The following GTF2E2 variants were observed in gnomAD, a reference collection of about 807,000 sequenced individuals.
GTF2E2 encodes general transcription factor IIE subunit 2, also known as transcription initiation factor IIE subunit beta.
GTF2E2 carries 21 observed loss-of-function variants against 40.5 expected under a neutral mutation model. That is an observed-to-expected ratio of 0.52 (90% CI 0.37 to 0.75). GTF2E2 has a LOEUF of 0.75. Ranked by LOEUF, GTF2E2 falls within the 30% of genes least tolerant of loss-of-function variation. GTF2E2 has a pLI of 0.00. For missense variants in GTF2E2, 298 were observed against 338.4 expected, an observed-to-expected ratio of 0.88 and a Z score of 0.94; for synonymous variants, 117 against 121.6, an observed-to-expected ratio of 0.96 and a Z score of 0.25.
intron 2 of GTF2E2, among the ~76,000 whole-genome samples, chr8:30,647,200 A>G (rs974755919): frequency 5.3e-5 from 8 of 152,242 alleles, no homozygotes; most frequent in African/African-American, 1.9e-4. Flanking sequence ...ATTATAAAAG[A>G]CTTTTTTTAA....
chr8:30,624,349 C>T (rs1320730102), intron 3 of GTF2E2, among the ~76,000 whole-genome samples: 1 of 152,042 alleles, frequency 6.6e-6, no homozygotes. Flanking sequence ...TCCGAGGGCT[C>T]TGTTCTGTTC....
At position 30,653,592 on chromosome 8, in the gene GTF2E2, G is replaced by A. The variant is rs752353931; in HGVS notation, c.7C>T (p.Pro3Ser). Reference protein sequence around the residue: MDPSLLRERELFK... With the variant: MDSSLLRERELFK... Reference sequence around the variant, plus strand: ...AGCTCCCTTTCTCTCAACAGGCTTGGATCCATAATGCTACAAAGAAAAAAT... The same window carrying A: ...AGCTCCCTTTCTCTCAACAGGCTTGAATCCATAATGCTACAAAGAAAAAAT... The change falls in exon 2 of 8, where the codon CCA becomes TCA. Residue 3 changes from proline to serine, a missense_variant. Transcript: ENST00000355904. 1 of 1,609,020 alleles carries A rather than the reference G, an allele frequency of 6.2e-7. No individual in the cohort carries two copies. Among genetic ancestry groups the A allele is most frequent in the South Asian group, 1.1e-5 (1 of 90,052 alleles).
chr8:30,624,018 A>C lies in GTF2E2; in HGVS notation c.259-9303T>G, dbSNP rs536132600. On this transcript the variant is annotated intron_variant, in intron 3 of 7. Coordinates refer to ENST00000355904, the MANE Select transcript of GTF2E2 (RefSeq NM_002095.6). ...TGTGCAGAAGCCCTTTAGTTTAATTAGATCCCATTTGTCTATTTTGGCTTT... is the reference window on the plus strand; with the variant it reads ...TGTGCAGAAGCCCTTTAGTTTAATTCGATCCCATTTGTCTATTTTGGCTTT... 1.3e-3 allele frequency among the ~76,000 whole-genome samples: 201 copies of C among 152,180 alleles called. 3 individuals carry two copies. The highest frequency in any genetic ancestry group is 4.5e-3 in the African/African-American group (187 of 41,466).
Position 30,653,473 on chromosome 8 carries a change from C to T in GTF2E2, c.126G>A (p.Lys42=), listed in dbSNP as rs1311255296. Residue 42 remains lysine, a synonymous_variant, in exon 2 of 8, where the codon AAG becomes AAA. Coordinates refer to ENST00000355904, the MANE Select transcript of GTF2E2 (RefSeq NM_002095.6). ...SSSSSKKKKT[K]VEHGGSSGSK... Reference sequence around the variant, plus strand: ...AGCCTGACGATCCTCCATGTTCTACCTTTGTTTTCTTCTTCTTTGACGATG... The same window carrying T: ...AGCCTGACGATCCTCCATGTTCTACTTTTGTTTTCTTCTTCTTTGACGATG... The T allele has an allele frequency of 6.2e-7, 1 of 1,613,824 alleles. No individual in the cohort carries two copies. Among genetic ancestry groups the T allele is most frequent in the Admixed American group, 1.7e-5 (1 of 60,006 alleles).
chr8:30,583,507 G>C (rs1432584547), intron 6 of GTF2E2, among the ~76,000 whole-genome samples: 1 of 151,984 alleles, frequency 6.6e-6, no homozygotes, highest in Admixed American at 6.6e-5. Context: ...AGCCTCCCAA[G>C]TGGCTGGGAC....
intron 6 of GTF2E2, among the ~76,000 whole-genome samples, chr8:30,597,728 C>T (rs544961444): frequency 1.3e-5 from 2 of 152,296 alleles, no homozygotes; most frequent in Admixed American, 6.5e-5. Flanking sequence ...AGGAACGATG[C>T]TCTCTCTAGC....
intron 6 of GTF2E2, among the ~76,000 whole-genome samples, chr8:30,580,834 C>T (rs1313836274): frequency 6.6e-6 from 1 of 151,882 alleles, no homozygotes; most frequent in Non-Finnish European, 1.5e-5. Flanking sequence ...GGTTATTCAA[C>T]AATTTATCTG....
chr8:30,611,529 G>C (rs1388907953), intron 5 of GTF2E2, among the ~76,000 whole-genome samples: 1 of 151,952 alleles, frequency 6.6e-6, no homozygotes, highest in African/African-American at 2.4e-5. Flanking sequence ...AGAAAGACTA[G>C]AACTGAAAAA....
At chr8:30,598,133 T>C (rs887725784) in intron 6 of GTF2E2, among the ~76,000 whole-genome samples, 9 of 152,220 alleles carry the variant, frequency 5.9e-5, no homozygotes, top group African/African-American at 1.9e-4. Context: ...GTACTTCTCT[T>C]TGTATAACAA....
chr8:30,579,617 C>A (rs1263910737), intron 7 of GTF2E2, among the ~76,000 whole-genome samples: 2 of 152,116 alleles, frequency 1.3e-5, no homozygotes, highest in Non-Finnish European at 2.9e-5. Context: ...ACATGCCCAC[C>A]CCACACCCCA....
At chr8:30,589,187 G>A (rs1338378520) in intron 6 of GTF2E2, among the ~76,000 whole-genome samples, 1 of 152,166 alleles carries the variant, frequency 6.6e-6, no homozygotes, top group East Asian at 1.9e-4. Context: ...AATCCAGGAA[G>A]CAGAGGTTGC....
At chr8:30,645,674 C>A in intron 2 of GTF2E2, 1 of 1,383,280 alleles carries the variant, frequency 7.2e-7, no homozygotes, top group Non-Finnish European at 9.6e-7. Flanking sequence ...CTGAGGCCAA[C>A]TGTTGCTACA....
intron 3 of GTF2E2, among the ~76,000 whole-genome samples, chr8:30,627,521 A>T (rs1364640216): frequency 6.6e-6 from 1 of 150,972 alleles, no homozygotes; most frequent in Non-Finnish European, 1.5e-5. Flanking sequence ...AAATCCTCGG[A>T]AATGAAATTT....
chr8:30,643,738 G>A (rs547430441), intron 2 of GTF2E2: 3 of 148,746 alleles, frequency 2.0e-5, no homozygotes, highest in East Asian at 3.9e-4. Flanking sequence ...TTTTACTAAA[G>A]ATTTCTTCAG....
At chr8:30,634,947 C>T in intron 3 of GTF2E2, 85 bp downstream of exon 3, 2 of 701,680 alleles carry the variant, frequency 2.9e-6, no homozygotes, top group Non-Finnish European at 4.9e-6. Context: ...TTGATGTATA[C>T]AGAAATTTAA....
At chr8:30,579,903 A>G (rs112793186) in intron 7 of GTF2E2, among the ~76,000 whole-genome samples, 2 of 152,350 alleles carry the variant, frequency 1.3e-5, no homozygotes, top group Admixed American at 6.5e-5. Context: ...GGCGAGGCTC[A>G]CGGAGCAGGG....
chr8:30,599,075 A>G (rs1829095482), intron 6 of GTF2E2, among the ~76,000 whole-genome samples: 1 of 152,240 alleles, frequency 6.6e-6, no homozygotes, highest in Non-Finnish European at 1.5e-5. Context: ...ACACCCAATC[A>G]GTATTTATGA....
intron 5 of GTF2E2, among the ~76,000 whole-genome samples, chr8:30,609,873 T>C (rs1829432993): frequency 6.6e-6 from 1 of 152,168 alleles, no homozygotes; most frequent in African/African-American, 2.4e-5. Flanking sequence ...CTCTTGCTCC[T>C]GCTCCGGCCA....
chr8:30,614,618 A>G lies in GTF2E2; in HGVS notation c.356T>C (p.Leu119Pro). ...CAACTAAATTCTTACCTCAGTCATT[A>G]GCCATTGTTTCTGCTTGAGTCCAAT... Reference protein sequence around the residue: ...LDIGLKQKQWLMTEALVNNPK... With the variant: ...LDIGLKQKQWPMTEALVNNPK... Residue 119 changes from leucine (L) to proline (P), a missense_variant, in exon 4 of 8, where the codon CTA becomes CCA. By Grantham distance (98) the Leu-to-Pro change is moderately conservative (BLOSUM62 -3). Coordinates refer to ENST00000355904, the MANE Select transcript of GTF2E2 (RefSeq NM_002095.6). The G allele has an allele frequency of 6.5e-7, 1 of 1,544,402 alleles. No individual in the cohort carries two copies. Among genetic ancestry groups the G allele is most frequent in the Non-Finnish European group, 8.9e-7 (1 of 1,118,808 alleles).
Sources: gnomAD v4.1 joint callset for allele counts (sites outside exome capture counted in the v4.1 genomes callset) on GRCh38, gnomAD v4.1.1 for gene constraint, MANE v1.5 for transcripts, NCBI Gene and HGNC (gene_info 2026-07-23, HGNC 2026-07-21) for gene names.